Variants in SERINC5 observed in about 807,000 individuals in gnomAD.
The protein encoded by SERINC5 is serine incorporator 5, also known as chromosome 5 open reading frame 12.
SERINC5 carries 41 observed loss-of-function variants against 63.1 expected under a neutral mutation model. The observed-to-expected ratio is 0.65, with a 90% CI of 0.51 to 0.84. SERINC5 has a LOEUF of 0.84. Among genes scored for constraint, SERINC5 ranks in the 40% least tolerant of loss-of-function variants. The pLI, the probability that SERINC5 is intolerant of heterozygous loss-of-function variation, is 0.00. For missense variants in SERINC5, 523 were observed against 573.0 expected, an observed-to-expected ratio of 0.91 and a Z score of 0.89; for synonymous variants, 222 against 215.2, an observed-to-expected ratio of 1.03 and a Z score of -0.28.
intron 7 of SERINC5, among the ~76,000 whole-genome samples, chr5:80,164,048 T>C (rs1386584335): frequency 6.6e-6 from 1 of 152,192 alleles, no homozygotes; most frequent in East Asian, 1.9e-4. Flanking sequence ...TCAATATCAC[T>C]ACTCATTATT....
In SERINC5 at chr5:80,174,404, A is replaced by AT. The variant is rs1554064063; in HGVS notation, c.551+549_551+550insA. ...AATAATAATAATAATAATAATAATA[A>AT]AAGAAAAAGAAAACAAAAGGGTACT... On this transcript the variant is annotated intron_variant, in intron 5 of 11. Transcript: ENST00000507668. Among the ~76,000 whole-genome samples the AT allele has an allele frequency of 1.2e-3, 174 of 146,008 alleles. 1 individual carries two copies. The highest frequency in any genetic ancestry group is 7.1e-3 in the Middle Eastern group (2 of 280).
chr5:80,203,075 T>C (rs760878426), intron 1 of SERINC5, 22 bp from the exon 2 acceptor site: 1 of 1,583,068 alleles, frequency 6.3e-7, no homozygotes, highest in South Asian at 1.1e-5. Context: ...ACAGAAGGCA[T>C]CTGCTTAGAG....
At chr5:80,242,074 T>C (rs1438525293) in intron 1 of SERINC5, among the ~76,000 whole-genome samples, 2 of 152,000 alleles carry the variant, frequency 1.3e-5, no homozygotes, top group African/African-American at 2.4e-5. Flanking sequence ...GAAGGTATAG[T>C]GAGCTGTGAA....
In SERINC5 at chr5:80,154,683, G is replaced by A. The variant is rs919037341; in HGVS notation, c.987-3735C>T. ...TTTTTTAATGTAGAACAATCCCCTC[G>A]GCAATGCTATCACACCAACCTGCGA... On this transcript the variant is annotated intron_variant, in intron 8 of 11. Coordinates refer to ENST00000507668, the MANE Select transcript of SERINC5 (RefSeq NM_001174072.3). 3.3e-5 allele frequency among the ~76,000 whole-genome samples: 5 copies of A among 151,578 alleles called. 1 individual carries two copies. The highest frequency in any genetic ancestry group is 7.4e-5 in the Non-Finnish European group (5 of 67,920).
At chr5:80,236,860 A>T (rs1751714850) in intron 1 of SERINC5, among the ~76,000 whole-genome samples, 1 of 141,246 alleles carries the variant, frequency 7.1e-6, no homozygotes, top group Non-Finnish European at 1.5e-5. Flanking sequence ...TTCTTTTTTT[A>T]TTTTTTTGAG....
intron 11 of SERINC5, among the ~76,000 whole-genome samples, chr5:80,125,092 T>C (rs1005762657): frequency 6.6e-6 from 1 of 152,224 alleles, no homozygotes; most frequent in African/African-American, 2.4e-5. Context: ...CTGACCAACA[T>C]GGTCTAGTGA....
At chr5:80,246,494 G>C (rs1448005815) in intron 1 of SERINC5, among the ~76,000 whole-genome samples, 1 of 152,122 alleles carries the variant, frequency 6.6e-6, no homozygotes, top group Non-Finnish European at 1.5e-5. Flanking sequence ...GTTTTCATGA[G>C]AGAGTGAAAA....
At chr5:80,210,373 G>GCCCCGCAACACAC (rs1319260462) in intron 1 of SERINC5, among the ~76,000 whole-genome samples, 2 of 152,100 alleles carry the variant, frequency 1.3e-5, no homozygotes, top group African/African-American at 2.4e-5. Context: ...TGAAGGACCA[G>GCCCCGCAACACAC]CCCCGCAACA....
At chr5:80,158,166 T>C (rs556581128) in intron 8 of SERINC5, 1 of 152,214 alleles carries the variant, frequency 6.6e-6, no homozygotes, top group Non-Finnish European at 1.5e-5. Flanking sequence ...CCAGATTAAC[T>C]AGCCATTTCT....
intron 1 of SERINC5, among the ~76,000 whole-genome samples, chr5:80,234,341 A>G (rs142370232): frequency 6.1e-4 from 93 of 152,304 alleles, no homozygotes; most frequent in African/African-American, 2.0e-3. Flanking sequence ...TCACCTCACT[A>G]CACTTAAGAA....
At chr5:80,183,515 G>A (rs1748590560) in intron 2 of SERINC5, among the ~76,000 whole-genome samples, 1 of 152,082 alleles carries the variant, frequency 6.6e-6, no homozygotes, top group African/African-American at 2.4e-5. Context: ...CCTGTGACTT[G>A]CACGTATACG....
chr5:80,199,228 AC>A (rs1749684421), intron 2 of SERINC5, among the ~76,000 whole-genome samples: 1 of 152,100 alleles, frequency 6.6e-6, no homozygotes, highest in Non-Finnish European at 1.5e-5. Context: ...ACATATTCAG[AC>A]CAGATTCAAA....
chr5:80,227,819 A>G (rs906260033), intron 1 of SERINC5, among the ~76,000 whole-genome samples: 1 of 152,108 alleles, frequency 6.6e-6, no homozygotes, highest in Non-Finnish European at 1.5e-5. Context: ...ACTGCACTCC[A>G]ACCTGGACGA....
At chr5:80,225,762 GAA>G (rs1204163389) in intron 1 of SERINC5, among the ~76,000 whole-genome samples, 1 of 152,098 alleles carries the variant, frequency 6.6e-6, no homozygotes, top group Non-Finnish European at 1.5e-5. Flanking sequence ...CAAGGGCAGA[GAA>G]CAAAGCCCTA....
At chr5:80,226,302 T>C (rs1350100496) in intron 1 of SERINC5, among the ~76,000 whole-genome samples, 1 of 152,206 alleles carries the variant, frequency 6.6e-6, no homozygotes, top group Non-Finnish European at 1.5e-5. Context: ...AAATAACCCT[T>C]TGATAGAAGT....
chr5:80,143,973 C>A (rs2112295959), intron 11 of SERINC5, 163 bp from the exon 12 acceptor site: 1 of 855,904 alleles, frequency 1.2e-6, no homozygotes, highest in Non-Finnish European at 1.8e-6. Flanking sequence ...TTCTCATCAC[C>A]CCCAAAAGAA....
intron 8 of SERINC5, 148 bp downstream of exon 8, chr5:80,158,688 T>C: frequency 6.1e-6 from 4 of 657,066 alleles, no homozygotes; most frequent in Non-Finnish European, 1.0e-5. Context: ...AGTTCAAATA[T>C]GAGTTCACGC....
chr5:80,143,833 C>T (rs544972517), intron 11 of SERINC5, 23 bp from the exon 12 acceptor site: 47 of 1,535,364 alleles, frequency 3.1e-5, no homozygotes, highest in Non-Finnish European at 3.8e-5. Flanking sequence ...GACACCTAGC[C>T]GCGGTCAAAG....
At chr5:80,206,948 G>A (rs773177549) in intron 1 of SERINC5, among the ~76,000 whole-genome samples, 1 of 151,080 alleles carries the variant, frequency 6.6e-6, no homozygotes, top group Non-Finnish European at 1.5e-5. Flanking sequence ...ACCATGCCTG[G>A]CTGGTTGCTA....
Sources: allele counts gnomAD v4.1 joint callset (sites outside exome capture counted in the v4.1 genomes callset), GRCh38; gene constraint gnomAD v4.1.1; transcripts MANE v1.5; gene names NCBI Gene and HGNC (gene_info 2026-07-23, HGNC 2026-07-21).